The following C12orf42 variants were observed in gnomAD, a reference collection of about 807,000 sequenced individuals.
C12orf42 encodes chromosome 12 open reading frame 42, also known as uncharacterized protein C12orf42.
A neutral mutation model predicts 21.6 loss-of-function variants in C12orf42; 25 were observed. The observed-to-expected ratio is 1.16, with a 90% confidence interval of 0.84 to 1.62. C12orf42 has a LOEUF of 1.62. Among genes scored for constraint, C12orf42 ranks in the 40% most tolerant of loss-of-function variants. The probability of loss-of-function intolerance (pLI) is 0.00; values close to 1 mark genes in which losing one functional copy is unlikely to be tolerated. For synonymous variants in C12orf42, 174 were observed against 175.0 expected (o/e 0.99, Z 0.05); for missense variants, 483 against 459.3 (o/e 1.05, Z -0.47).
intron 4 of C12orf42, among the ~76,000 whole-genome samples, chr12:103,322,165 C>T (rs2040246310): frequency 6.6e-6 from 1 of 151,764 alleles, no homozygotes; most frequent in Non-Finnish European, 1.5e-5. Context: ...ACGCACACAA[C>T]TTTCTTTAAG....
Position 103,401,651 on chromosome 12 carries a change from C to T in C12orf42, c.103G>A (p.Val35Met). The change falls in exon 3 of 6, where the codon GTG (valine) becomes ATG (methionine). Residue 35 changes from valine to methionine, a missense_variant. Coordinates refer to ENST00000548883, the MANE Select transcript of C12orf42 (RefSeq NM_198521.5). ...CTATCCCACAGGGTGGCACTGCTCA[C>T]AATGGGAATATAGCAAGGGGATTTC... ...MQKSPCYIPI[V>M]SSATLWDRST... The T allele has an allele frequency of 6.2e-7, 1 of 1,613,882 alleles. No homozygotes were observed. Among genetic ancestry groups the T allele is most frequent in the Non-Finnish European group, 8.5e-7 (1 of 1,179,816 alleles).
At chr12:103,545,263 A>T in the C12orf42 span, among the ~76,000 whole-genome samples, 1 of 152,260 alleles carries the variant, frequency 6.6e-6, no homozygotes, top group East Asian at 1.9e-4. Flanking sequence ...TACCAACTCT[A>T]GCACGCATTC....
the C12orf42 span, among the ~76,000 whole-genome samples, chr12:103,163,508 A>G: frequency 6.6e-6 from 1 of 152,206 alleles, no homozygotes; most frequent in Non-Finnish European, 1.5e-5. Flanking sequence ...GAGCTCAGAA[A>G]GAGAGAACTA....
intron 4 of C12orf42, among the ~76,000 whole-genome samples, chr12:103,313,370 A>C (rs1355744408): frequency 1.3e-5 from 2 of 152,210 alleles, no homozygotes; most frequent in East Asian, 3.8e-4. Context: ...AGTGAAAGTC[A>C]TTTTTAAGCT....
chr12:103,488,133 T>C (rs919478196), intron 1 of C12orf42, among the ~76,000 whole-genome samples: 2 of 152,234 alleles, frequency 1.3e-5, no homozygotes, highest in African/African-American at 2.4e-5. Flanking sequence ...TTTCAGGAGC[T>C]CTTGTAAGGC....
chr12:103,054,250 A>C, the C12orf42 span, among the ~76,000 whole-genome samples: 1 of 151,684 alleles, frequency 6.6e-6, no homozygotes, highest in African/African-American at 2.4e-5. Flanking sequence ...ATTTTCTTTG[A>C]TTTCTTTGGT....
intron 4 of C12orf42, among the ~76,000 whole-genome samples, chr12:103,325,909 G>A (rs969002084): frequency 1.3e-5 from 2 of 152,172 alleles, no homozygotes; most frequent in Non-Finnish European, 2.9e-5. Flanking sequence ...TGGAGAATGA[G>A]CATCAGAGAA....
At chr12:103,421,201 T>G (rs1393293509) in intron 2 of C12orf42, among the ~76,000 whole-genome samples, 1 of 150,952 alleles carries the variant, frequency 6.6e-6, no homozygotes, top group Non-Finnish European at 1.5e-5. Flanking sequence ...GGAGAAAAAA[T>G]AGAGAAGGGA....
intron 2 of C12orf42, among the ~76,000 whole-genome samples, chr12:103,457,728 G>C (rs1229025957): frequency 6.6e-6 from 1 of 152,178 alleles, no homozygotes; most frequent in African/African-American, 2.4e-5. Context: ...GTATTAAACT[G>C]TTTTTCTCCA....
intron 3 of C12orf42, among the ~76,000 whole-genome samples, chr12:103,388,700 A>C (rs2046830651): frequency 6.6e-6 from 1 of 152,084 alleles, no homozygotes; most frequent in Non-Finnish European, 1.5e-5. Flanking sequence ...CCCAAACTCC[A>C]AATGGAAATG....
chr12:103,474,037 T>G (rs998440701), intron 2 of C12orf42, among the ~76,000 whole-genome samples: 2 of 152,184 alleles, frequency 1.3e-5, no homozygotes, highest in Non-Finnish European at 2.9e-5. Flanking sequence ...TTTGGTTCAT[T>G]GTTTAGAGTA....
At chr12:103,088,047 A>G in the C12orf42 span, among the ~76,000 whole-genome samples, 1,665 of 152,326 alleles carry the variant, frequency 0.011, 31 homozygotes, top group African/African-American at 0.038. Flanking sequence ...TTTGTTTAAC[A>G]TTTTTCTAGG....
chr12:103,268,117 C>T (rs979856039), downstream of C12orf42: 1 of 152,030 alleles, frequency 6.6e-6, no homozygotes, highest in Non-Finnish European at 1.5e-5. Context: ...TGGCTGGTAG[C>T]AATAAGCATC....
At chr12:103,248,970 A>T (rs181780381) in intron 10 of C12orf42, among the ~76,000 whole-genome samples, 2 of 152,162 alleles carry the variant, frequency 1.3e-5, no homozygotes, top group Admixed American at 1.3e-4. Context: ...TAGATTGAAG[A>T]TAGAATTTGG....
At chr12:103,136,729 T>C in the C12orf42 span, among the ~76,000 whole-genome samples, 2 of 152,304 alleles carry the variant, frequency 1.3e-5, no homozygotes, top group East Asian at 3.9e-4. Flanking sequence ...CAAATCCATA[T>C]GTTTACAGTC....
the C12orf42 span, among the ~76,000 whole-genome samples, chr12:103,519,141 C>A: frequency 6.6e-6 from 1 of 152,110 alleles, no homozygotes; most frequent in East Asian, 1.9e-4. Context: ...CTTTCTGCCA[C>A]CTTGTAAAGA....
At chr12:103,332,506 T>G (rs891833642) in intron 4 of C12orf42, among the ~76,000 whole-genome samples, 2 of 152,144 alleles carry the variant, frequency 1.3e-5, no homozygotes, top group African/African-American at 4.8e-5. Flanking sequence ...GCCACCCGAG[T>G]CTTAGTGCTG....
chr12:103,403,731 C>A (rs1274485068), intron 2 of C12orf42, among the ~76,000 whole-genome samples: 1 of 152,192 alleles, frequency 6.6e-6, no homozygotes, highest in African/African-American at 2.4e-5. Flanking sequence ...CGATAATTTG[C>A]GTCTCAGTTC....
chr12:103,373,890 T>C (rs1236629470), intron 3 of C12orf42, among the ~76,000 whole-genome samples: 1 of 152,218 alleles, frequency 6.6e-6, no homozygotes, highest in Non-Finnish European at 1.5e-5. Context: ...AATATATAAA[T>C]GTTGGATCAA....
Sources: allele counts gnomAD v4.1 joint callset (sites outside exome capture counted in the v4.1 genomes callset), GRCh38; gene constraint gnomAD v4.1.1; transcripts MANE v1.5; gene names NCBI Gene and HGNC (gene_info 2026-07-23, HGNC 2026-07-21).